Variants in EXOC2 observed in about 807,000 individuals in gnomAD.
EXOC2 encodes the protein SEC5-like 1.
A neutral mutation model predicts 131.8 loss-of-function variants in EXOC2; 70 were observed. The observed-to-expected ratio is 0.53, with a 90% confidence interval of 0.44 to 0.65. The LOEUF (loss-of-function observed/expected upper bound fraction) is 0.65. Among genes scored for constraint, EXOC2 ranks in the 30% least tolerant of loss-of-function variants. The pLI is 0.00. For missense variants in EXOC2, 923 were observed against 1,108.6 expected, an observed-to-expected ratio of 0.83 and a Z score of 2.38; for synonymous variants, 411 against 398.4, an observed-to-expected ratio of 1.03 and a Z score of -0.38.
intron 22 of EXOC2, among the ~76,000 whole-genome samples, chr6:539,355 C>A (rs1304350732): frequency 6.6e-6 from 1 of 152,166 alleles, no homozygotes; most frequent in Non-Finnish European, 1.5e-5. Context: ...ACCTTAGCAG[C>A]AATCATGTAT....
intron 23 of EXOC2, among the ~76,000 whole-genome samples, chr6:507,796 C>T (rs997843189): frequency 6.6e-6 from 1 of 152,200 alleles, no homozygotes; most frequent in African/African-American, 2.4e-5. Context: ...GTTCTACAGG[C>T]AGACAGGATT....
chr6:678,450 T>C (rs1043624820), intron 1 of EXOC2, among the ~76,000 whole-genome samples: 4 of 152,194 alleles, frequency 2.6e-5, no homozygotes, highest in African/African-American at 7.2e-5. Context: ...AAAAACCAAC[T>C]GTAAGTGAAT....
intron 7 of EXOC2, 115 bp from the exon 8 acceptor site, chr6:599,340 TCAG>T: frequency 9.9e-7 from 1 of 1,006,896 alleles, no homozygotes; most frequent in Non-Finnish European, 1.4e-6. Context: ...ACGTTAAAAC[TCAG>T]ACTGTTTTTC....
At chr6:618,950 C>T (rs1248493633) in intron 5 of EXOC2, among the ~76,000 whole-genome samples, 8 of 152,150 alleles carry the variant, frequency 5.3e-5, no homozygotes, top group Non-Finnish European at 1.0e-4. Context: ...CAGAAGGGAA[C>T]CTTCAAATTG....
At chr6:585,609 A>T (rs1218937148) in intron 11 of EXOC2, among the ~76,000 whole-genome samples, 2 of 152,182 alleles carry the variant, frequency 1.3e-5, no homozygotes, top group Non-Finnish European at 2.9e-5. Context: ...TTTGCTCATA[A>T]CATTTTCTCT....
At chr6:541,863 A>G (rs916271020) in intron 22 of EXOC2, among the ~76,000 whole-genome samples, 1 of 152,256 alleles carries the variant, frequency 6.6e-6, no homozygotes, top group Non-Finnish European at 1.5e-5. Context: ...CTAAATATTC[A>G]AAGAATAAAT....
At chr6:642,161 A>T (rs1434802151) in intron 1 of EXOC2, among the ~76,000 whole-genome samples, 1 of 152,180 alleles carries the variant, frequency 6.6e-6, no homozygotes, top group Non-Finnish European at 1.5e-5. Context: ...AAGTTTATTA[A>T]ATCTTTACCA....
At chr6:615,628 G>A (rs1160475881) in intron 6 of EXOC2, among the ~76,000 whole-genome samples, 1 of 151,370 alleles carries the variant, frequency 6.6e-6, no homozygotes, top group Non-Finnish European at 1.5e-5. Flanking sequence ...GCTGAGGCAG[G>A]AGAATCATGT....
intron 13 of EXOC2, among the ~76,000 whole-genome samples, chr6:567,966 A>C (rs1214059491): frequency 1.3e-5 from 2 of 152,232 alleles, no homozygotes; most frequent in Admixed American, 6.5e-5. Context: ...AAATGGGATG[A>C]GCAGAGGTTG....
At chr6:558,970 T>A (rs1757565617) in intron 17 of EXOC2, among the ~76,000 whole-genome samples, 1 of 152,190 alleles carries the variant, frequency 6.6e-6, no homozygotes, top group African/African-American at 2.4e-5. Flanking sequence ...GAAAGTTCAA[T>A]GAGTGCTTTC....
At chr6:582,272 A>G (rs2127609432) in intron 11 of EXOC2, among the ~76,000 whole-genome samples, 1 of 152,228 alleles carries the variant, frequency 6.6e-6, no homozygotes, top group Non-Finnish European at 1.5e-5. Context: ...TATACCACAA[A>G]AAGGGCAGAA....
chr6:572,794 G>T, intron 12 of EXOC2, 150 bp from the exon 13 acceptor site: 2 of 952,852 alleles, frequency 2.1e-6, no homozygotes, highest in Non-Finnish European at 3.1e-6. Context: ...GGCCCACCTG[G>T]CTGACACCGG....
intron 19 of EXOC2, among the ~76,000 whole-genome samples, chr6:555,529 A>G (rs373527952): frequency 6.6e-6 from 1 of 152,212 alleles, no homozygotes; most frequent in Non-Finnish European, 1.5e-5. Context: ...GTTTTGATCA[A>G]TTATTAAGTT....
At chr6:673,299 T>G (rs1763961569) in intron 1 of EXOC2, among the ~76,000 whole-genome samples, 1 of 133,998 alleles carries the variant, frequency 7.5e-6, no homozygotes, top group Admixed American at 7.1e-5. Flanking sequence ...AAATTCACAT[T>G]TATCTAAGAA....
At chr6:611,400 C>T (rs1053268628) in intron 6 of EXOC2, among the ~76,000 whole-genome samples, 5 of 152,198 alleles carry the variant, frequency 3.3e-5, no homozygotes, top group Non-Finnish European at 5.9e-5. Flanking sequence ...CCACAGTAGC[C>T]CTGCTCCACA....
intron 23 of EXOC2, among the ~76,000 whole-genome samples, chr6:515,488 C>T (rs994101162): frequency 6.6e-5 from 10 of 152,220 alleles, no homozygotes; most frequent in African/African-American, 2.4e-4. Context: ...GGGACTGATA[C>T]CCTGACGCCC....
intron 11 of EXOC2, among the ~76,000 whole-genome samples, chr6:586,813 C>T (rs186145232): frequency 6.4e-4 from 98 of 152,160 alleles, no homozygotes; most frequent in African/African-American, 2.3e-3. Flanking sequence ...GCTCAGGATA[C>T]GGAGGACGTG....
At chr6:496,175 G>C (rs1763725707) in intron 25 of EXOC2, among the ~76,000 whole-genome samples, 3 of 152,104 alleles carry the variant, frequency 2.0e-5, no homozygotes, top group South Asian at 2.1e-4. Flanking sequence ...CCAATACCTG[G>C]GTCATCTTAA....
intron 16 of EXOC2, among the ~76,000 whole-genome samples, chr6:563,555 GT>G (rs143757239): frequency 6.6e-6 from 1 of 152,036 alleles, no homozygotes; most frequent in Non-Finnish European, 1.5e-5. Context: ...AACCTTTATG[GT>G]TTTTTTATGA....
Sources: allele counts gnomAD v4.1 joint callset (sites outside exome capture counted in the v4.1 genomes callset), GRCh38; gene constraint gnomAD v4.1.1; transcripts MANE v1.5; gene names NCBI Gene and HGNC (gene_info 2026-07-23, HGNC 2026-07-21).